SGCZ: variants seen among roughly 807,000 people sequenced by gnomAD.
The protein encoded by SGCZ is sarcoglycan zeta.
A neutral mutation model predicts 41.3 loss-of-function variants in SGCZ; 40 were observed. The ratio of observed to expected loss-of-function variants is 0.97; its 90% CI spans 0.75 to 1.26. The LOEUF (loss-of-function observed/expected upper bound fraction) is 1.26. Among genes scored for constraint, SGCZ ranks in the 50% most tolerant of loss-of-function variants. The probability of loss-of-function intolerance (pLI) is 0.00; values close to 1 mark genes in which losing one functional copy is unlikely to be tolerated. For synonymous variants in SGCZ, 206 were observed against 137.5 expected, an observed-to-expected ratio of 1.50 and a Z score of -3.49; for missense variants, 552 against 369.8, an observed-to-expected ratio of 1.49 and a Z score of -4.04.
At chr8:14,539,668 T>C (rs1803400211) in intron 2 of SGCZ, among the ~76,000 whole-genome samples, 1 of 151,984 alleles carries the variant, frequency 6.6e-6, no homozygotes, top group South Asian at 2.1e-4. Context: ...GTAGTTGTTA[T>C]TTATTTTTCT....
At chr8:14,386,468 T>C (rs1804582394) in intron 2 of SGCZ, among the ~76,000 whole-genome samples, 2 of 152,204 alleles carry the variant, frequency 1.3e-5, no homozygotes, top group African/African-American at 4.8e-5. Context: ...TGTACAAATC[T>C]GATACTGAAC....
chr8:14,448,609 G>T (rs1041893447), intron 2 of SGCZ, among the ~76,000 whole-genome samples: 1 of 152,174 alleles, frequency 6.6e-6, no homozygotes, highest in Admixed American at 6.5e-5. Flanking sequence ...TAATATGAAT[G>T]AGGTAACAAC....
chr8:14,868,546 T>A (rs541549796), intron 1 of SGCZ, among the ~76,000 whole-genome samples: 1 of 152,242 alleles, frequency 6.6e-6, no homozygotes, highest in South Asian at 2.1e-4. Flanking sequence ...AATGACTGAA[T>A]CGAGTAATTG....
At chr8:14,359,296 C>G (rs1803417174) in intron 2 of SGCZ, among the ~76,000 whole-genome samples, 3 of 152,038 alleles carry the variant, frequency 2.0e-5, no homozygotes, top group African/African-American at 7.2e-5. Context: ...ACTTCAACAC[C>G]CTGTGTTCAC....
intron 4 of SGCZ, among the ~76,000 whole-genome samples, chr8:14,180,761 C>T (rs920760177): frequency 6.6e-6 from 1 of 152,004 alleles, no homozygotes; most frequent in Non-Finnish European, 1.5e-5. Context: ...AAACTCCAAG[C>T]CATGCTCCTG....
At chr8:14,683,099 G>C (rs1808500426) in intron 1 of SGCZ, among the ~76,000 whole-genome samples, 1 of 152,046 alleles carries the variant, frequency 6.6e-6, no homozygotes. Context: ...CTGTATATTT[G>C]GGATTCTGAC....
intron 3 of SGCZ, among the ~76,000 whole-genome samples, chr8:14,263,135 A>G (rs948578371): frequency 3.3e-5 from 5 of 152,232 alleles, no homozygotes; most frequent in Admixed American, 2.0e-4. Flanking sequence ...ATTAAACACT[A>G]CAAACTAAAA....
intron 2 of SGCZ, among the ~76,000 whole-genome samples, chr8:14,421,691 C>T (rs887869896): frequency 6.6e-6 from 1 of 152,120 alleles, no homozygotes; most frequent in African/African-American, 2.4e-5. Context: ...TAAGCACAAG[C>T]CCTATCTTGT....
At chr8:15,139,919 T>C (rs769591250) in intron 1 of SGCZ, among the ~76,000 whole-genome samples, 3 of 152,222 alleles carry the variant, frequency 2.0e-5, no homozygotes, top group African/African-American at 7.2e-5. Flanking sequence ...TATTACTTTA[T>C]ACCTGATTCT....
At chr8:14,146,890 A>AAAAAAAAAAAAAAATAATAATAATAAT (rs1182329393) in intron 5 of SGCZ, among the ~76,000 whole-genome samples, 1 of 116,186 alleles carries the variant, frequency 8.6e-6, no homozygotes, top group African/African-American at 3.6e-5. Flanking sequence ...AAAATAAAAA[A>AAAAAAAAAAAAAAATAATAATAATAAT]AATAATAATA....
chr8:15,163,933 C>A (rs1164403982), intron 1 of SGCZ, among the ~76,000 whole-genome samples: 1 of 152,156 alleles, frequency 6.6e-6, no homozygotes, highest in Non-Finnish European at 1.5e-5. Context: ...TGAGGTGGGG[C>A]CTCAGAAAGT....
rs1292699864 is a variant in SGCZ, at chr8:14,383,811, C to T, written c.235-59607G>A. Among the ~76,000 whole-genome samples, 4 of 152,128 alleles carry T rather than the reference C, an allele frequency of 2.6e-5. No homozygotes were observed. In the South Asian group the frequency reaches 8.3e-4, roughly 31 times the overall value. On this transcript the variant is annotated intron_variant, in intron 2 of 7. Coordinates refer to ENST00000382080, the MANE Select transcript of SGCZ (RefSeq NM_139167.4). Reference sequence around the variant, plus strand: ...GTACAGTTGAATGTAGGCCAGACCACTGAGGACCTTCAAAACTCAGCGAAG... The same window carrying T: ...GTACAGTTGAATGTAGGCCAGACCATTGAGGACCTTCAAAACTCAGCGAAG...
chr8:14,545,621 C>T (rs1295396355), intron 2 of SGCZ, among the ~76,000 whole-genome samples: 1 of 152,092 alleles, frequency 6.6e-6, no homozygotes. Flanking sequence ...GTTTAATCTA[C>T]TTTATGTCCT....
chr8:14,979,541 G>A (rs940354122), intron 1 of SGCZ, among the ~76,000 whole-genome samples: 2 of 152,132 alleles, frequency 1.3e-5, no homozygotes, highest in Non-Finnish European at 2.9e-5. Context: ...AATGTAAACT[G>A]CTACCTTATT....
At chr8:14,322,745 G>T (rs1249176111) in intron 3 of SGCZ, among the ~76,000 whole-genome samples, 2 of 152,052 alleles carry the variant, frequency 1.3e-5, no homozygotes, top group African/African-American at 4.8e-5. Context: ...TGCTTCCTAT[G>T]TTTAGCAGTT....
intron 3 of SGCZ, among the ~76,000 whole-genome samples, chr8:14,264,562 A>G (rs908615954): frequency 3.3e-5 from 5 of 152,168 alleles, no homozygotes; most frequent in African/African-American, 4.8e-5. Flanking sequence ...GACTAGTAAC[A>G]AAAATGGGCT....
chr8:14,608,682 G>A (rs998463446), intron 1 of SGCZ, among the ~76,000 whole-genome samples: 2 of 151,896 alleles, frequency 1.3e-5, no homozygotes, highest in African/African-American at 2.4e-5. Flanking sequence ...TGGGTCATGG[G>A]GGTGGATTCC....
chr8:14,761,348 A>G (rs932979097), intron 1 of SGCZ, among the ~76,000 whole-genome samples: 1 of 151,922 alleles, frequency 6.6e-6, no homozygotes, highest in South Asian at 2.1e-4. Flanking sequence ...CTCGCTAAGG[A>G]TACTACAATA....
chr8:14,620,566 C>A (rs1029246016), intron 1 of SGCZ, among the ~76,000 whole-genome samples: 9 of 145,968 alleles, frequency 6.2e-5, no homozygotes, highest in African/African-American at 2.3e-4. Context: ...TATCCAGAAT[C>A]TACGAAGAAC....
Sources: allele counts gnomAD v4.1 joint callset (sites outside exome capture counted in the v4.1 genomes callset), GRCh38; gene constraint gnomAD v4.1.1; transcripts MANE v1.5; gene names NCBI Gene and HGNC (gene_info 2026-07-23, HGNC 2026-07-21).